RBFOX1: variants seen among roughly 807,000 people sequenced by gnomAD.
RBFOX1 encodes RNA binding fox-1 homolog 1.
Under a neutral mutation model 57.7 loss-of-function variants are expected in RBFOX1, and 8 were observed. The observed-to-expected ratio is 0.14, with a 90% CI of 0.08 to 0.25. RBFOX1 has a LOEUF of 0.25. Ranked by LOEUF, RBFOX1 falls within the 10% of genes least tolerant of loss-of-function variation. The probability of loss-of-function intolerance (pLI) is 1.00; values close to 1 mark genes in which losing one functional copy is unlikely to be tolerated. For synonymous variants in RBFOX1, 326 were observed against 222.4 expected, an observed-to-expected ratio of 1.47 and a Z score of -4.15; for missense variants, 611 against 548.5, an observed-to-expected ratio of 1.11 and a Z score of -1.14.
chr16:5,557,406 C>A (rs1375712664), intron 2 of RBFOX1, among the ~76,000 whole-genome samples: 2 of 67,650 alleles, frequency 3.0e-5, no homozygotes, highest in Non-Finnish European at 7.3e-5. Context: ...GCATTGGGTC[C>A]CCATATGAAG....
chr16:6,748,558 G>A (rs1173288009), intron 3 of RBFOX1, among the ~76,000 whole-genome samples: 2 of 152,112 alleles, frequency 1.3e-5, no homozygotes, highest in African/African-American at 2.4e-5. Flanking sequence ...CCCAGCTTGG[G>A]AGGCTGAAGT....
At chr16:7,698,582 A>G (rs1030407730) in intron 14 of RBFOX1, among the ~76,000 whole-genome samples, 4 of 152,146 alleles carry the variant, frequency 2.6e-5, no homozygotes, top group Admixed American at 1.3e-4. Flanking sequence ...TAATATTTAG[A>G]AGAAGTTTCC....
At chr16:7,258,394 C>A (rs7200654) in intron 4 of RBFOX1, among the ~76,000 whole-genome samples, 1 of 152,048 alleles carries the variant, frequency 6.6e-6, no homozygotes. Context: ...ATACACTTAA[C>A]TTGGGAAGAT....
chr16:6,755,285 T>A (rs2075606514), intron 3 of RBFOX1, among the ~76,000 whole-genome samples: 1 of 152,166 alleles, frequency 6.6e-6, no homozygotes, highest in African/African-American at 2.4e-5. Flanking sequence ...CACACCGACT[T>A]CCACAATGGT....
chr16:7,441,766 G>A (rs1267179538), intron 4 of RBFOX1, among the ~76,000 whole-genome samples: 2 of 152,196 alleles, frequency 1.3e-5, no homozygotes, highest in Non-Finnish European at 2.9e-5. Flanking sequence ...ACACCTCAGT[G>A]TGGAGATGAG....
rs200092819 is a variant in RBFOX1 at position 5,296,572 on chromosome 16, A to AT, written c.219+56476dup. On this transcript the variant is annotated intron_variant, in intron 1 of 2. Transcript: ENST00000585867. ...TTATTTTTTAATTAAAAAAAAAAAA[A>AT]TTTTTTTTTAACAATAGAGCTCTTG... Among the ~76,000 whole-genome samples, 647 of 151,354 alleles carry AT rather than the reference A, an allele frequency of 4.3e-3. 5 individuals are homozygous for AT. Among genetic ancestry groups the AT allele is most frequent in the African/African-American group, 0.014 (573 of 41,282 alleles).
At chr16:6,256,247 G>GTATATATATATGTA (rs1202068255) in intron 1 of RBFOX1, among the ~76,000 whole-genome samples, 1 of 78,348 alleles carries the variant, frequency 1.3e-5, no homozygotes, top group African/African-American at 5.8e-5. Context: ...ATATATATAT[G>GTATATATATATGTA]TATATATATG....
intron 3 of RBFOX1, among the ~76,000 whole-genome samples, chr16:6,808,464 C>T (rs1455518838): frequency 6.6e-6 from 1 of 152,058 alleles, no homozygotes; most frequent in Non-Finnish European, 1.5e-5. Context: ...TCACCCCTTG[C>T]TTCCCCAGTG....
At chr16:6,958,732 A>T (rs1184327287) in intron 3 of RBFOX1, among the ~76,000 whole-genome samples, 1 of 152,220 alleles carries the variant, frequency 6.6e-6, no homozygotes, top group Non-Finnish European at 1.5e-5. Flanking sequence ...ATGCCGCTTC[A>T]GAAATCTTTT....
chr16:6,568,872 G>A (rs552920871), intron 2 of RBFOX1, among the ~76,000 whole-genome samples: 221 of 152,176 alleles, frequency 1.5e-3, no homozygotes, highest in Admixed American at 2.5e-3. Flanking sequence ...GGGTTTAAGC[G>A]ATTATCCTGC....
chr16:6,557,008 TATATATACATATATATACATATATAC>T (rs1299591220), intron 2 of RBFOX1, among the ~76,000 whole-genome samples: 7 of 136,456 alleles, frequency 5.1e-5, no homozygotes, highest in African/African-American at 2.1e-4. Flanking sequence ...TATATATACA[TATATATACATATATATACATATATAC>T]ACATATATAT....
chr16:5,681,689 G>A (rs973809042), intron 3 of RBFOX1, among the ~76,000 whole-genome samples: 2 of 152,016 alleles, frequency 1.3e-5, no homozygotes, highest in Admixed American at 6.6e-5. Flanking sequence ...CACTGTGCCC[G>A]GCCGGTAAGA....
chr16:7,408,691 C>G (rs1032132535), intron 4 of RBFOX1, among the ~76,000 whole-genome samples: 2 of 152,166 alleles, frequency 1.3e-5, no homozygotes, highest in Admixed American at 1.3e-4. Context: ...CGAACATGTA[C>G]TTTTTTGTTA....
At position 5,521,874 on chromosome 16, in the gene RBFOX1, C is replaced by T. The variant is rs79337026; in HGVS notation, c.258+54620C>T. ...TCCCTAGCTTTTGTCCAGAACTTGA[C>T]GAGTCATGAGTGCCCAGGACATGTT... is the stretch of plus-strand genomic sequence containing the variant. On this transcript the variant is annotated intron_variant, in intron 2 of 2. Coordinates refer to the RBFOX1 transcript ENST00000585867. Among the ~76,000 whole-genome samples the T allele has an allele frequency of 7.8e-3, 1,182 of 152,232 alleles. 12 individuals are homozygous for T. Among genetic ancestry groups the T allele is most frequent in the African/African-American group, 0.027 (1,121 of 41,550 alleles).
rs111544738 is a variant in RBFOX1 at position 7,368,265 on chromosome 16, G to GA, written c.28-149868dup. Reference sequence around the variant, plus strand: ...CTGGGCCACAGAGTGAGACTGTCTCGAAAAAAAAAAAAAAGAGAGAGAAGA... The same window carrying GA: ...CTGGGCCACAGAGTGAGACTGTCTCGAAAAAAAAAAAAAAAGAGAGAGAAGA... On this transcript the variant is annotated intron_variant, in intron 4 of 15. Transcript: ENST00000550418. Among the ~76,000 whole-genome samples, 635 of 118,406 alleles carry GA rather than the reference G, an allele frequency of 5.4e-3. 5 individuals carry two copies. The highest frequency in any genetic ancestry group is 0.015 in the East Asian group (60 of 4,072). The allele number at this position is 118,406 out of a possible 152,430, so 77.7% of individuals were successfully genotyped here. A position where few individuals can be genotyped will look rare whatever the true frequency, so the allele number is the denominator to read the frequency against.
intron 2 of RBFOX1, among the ~76,000 whole-genome samples, chr16:6,370,037 C>G (rs973057286): frequency 5.3e-5 from 8 of 152,118 alleles, no homozygotes; most frequent in African/African-American, 1.7e-4. Context: ...CTTGCTTGGT[C>G]TTTTATGATC....
At chr16:6,493,981 C>G (rs2095697465) in intron 2 of RBFOX1, among the ~76,000 whole-genome samples, 1 of 152,168 alleles carries the variant, frequency 6.6e-6, no homozygotes, top group African/African-American at 2.4e-5. Context: ...CCAGAAGATA[C>G]AGAGAGAAGG....
At position 7,160,775 on chromosome 16, in the gene RBFOX1, C is replaced by G. The variant is rs537628661; in HGVS notation, c.27+108677C>G. On this transcript the variant is annotated intron_variant, in intron 4 of 15. Transcript: ENST00000550418. The stretch of plus-strand genomic sequence containing the variant: ...TCTATTCCTCCTCCTCCTCCGCCTC[C>G]CCCTTTTTTCTCCCTCCTCCGTCTC... Among the ~76,000 whole-genome samples the G allele has an allele frequency of 4.0e-5, 6 of 149,254 alleles. No individual in the cohort carries two copies. In the South Asian group the frequency reaches 1.1e-3, roughly 27 times the overall value.
At chr16:7,197,847 A>T (rs1488781188) in intron 4 of RBFOX1, among the ~76,000 whole-genome samples, 2 of 152,154 alleles carry the variant, frequency 1.3e-5, no homozygotes. Flanking sequence ...CATTTCCGTG[A>T]AATATCCAGA....
Sources: gnomAD v4.1 joint callset for allele counts (sites outside exome capture counted in the v4.1 genomes callset) on GRCh38, gnomAD v4.1.1 for gene constraint, MANE v1.5 for transcripts, NCBI Gene and HGNC (gene_info 2026-07-23, HGNC 2026-07-21) for gene names.